Variants in ADAMTS20 observed in about 807,000 individuals in gnomAD.
The protein encoded by ADAMTS20 is A disintegrin and metalloproteinase with thrombospondin motifs 20.
ADAMTS20 carries 225 observed loss-of-function variants against 260.1 expected under a neutral mutation model. The ratio of observed to expected loss-of-function variants is 0.87; its 90% CI spans 0.78 to 0.97. ADAMTS20 has a LOEUF of 0.97. ADAMTS20 is among the 50% of genes least tolerant of loss of function. ADAMTS20 has a pLI of 0.00. For missense variants in ADAMTS20, 2,400 were observed against 2,337.7 expected (o/e 1.03, Z -0.55); for synonymous variants, 802 against 769.5 (o/e 1.04, Z -0.70).
At chr12:43,386,193 T>C (rs1432937011) in intron 29 of ADAMTS20, among the ~76,000 whole-genome samples, 1 of 152,220 alleles carries the variant, frequency 6.6e-6, no homozygotes, top group Non-Finnish European at 1.5e-5. Flanking sequence ...TGTCTTCTGC[T>C]AGCTTTTGTA....
At chr12:43,496,098 A>T (rs2137436387) in intron 4 of ADAMTS20, among the ~76,000 whole-genome samples, 1 of 152,290 alleles carries the variant, frequency 6.6e-6, no homozygotes, top group African/African-American at 2.4e-5. Flanking sequence ...TACCACCCCA[A>T]ATTAGATTGC....
intron 11 of ADAMTS20, among the ~76,000 whole-genome samples, chr12:43,461,968 G>C (rs568735846): frequency 6.6e-6 from 1 of 152,268 alleles, no homozygotes; most frequent in East Asian, 1.9e-4. Flanking sequence ...AAAACTTGAA[G>C]TTCCAAATAA....
chr12:43,503,038 C>T (rs1047114638), intron 3 of ADAMTS20, among the ~76,000 whole-genome samples: 10 of 152,056 alleles, frequency 6.6e-5, no homozygotes, highest in African/African-American at 2.4e-4. Context: ...AATAATTGAA[C>T]ATTAAAGATT....
At chr12:43,388,690 C>T (rs1027514200) in intron 29 of ADAMTS20, among the ~76,000 whole-genome samples, 2 of 152,196 alleles carry the variant, frequency 1.3e-5, no homozygotes, top group Admixed American at 6.5e-5. Flanking sequence ...GACACTGGGA[C>T]TCAGAGAGGT....
At chr12:43,376,766 T>C in intron 32 of ADAMTS20, 113 bp from the exon 33 acceptor site, 2 of 1,251,416 alleles carry the variant, frequency 1.6e-6, no homozygotes, top group Non-Finnish European at 2.2e-6. Context: ...GGGTCAGTAG[T>C]GGCTAGATAC....
At chr12:43,524,016 C>G (rs1292765700) in intron 3 of ADAMTS20, among the ~76,000 whole-genome samples, 1 of 151,610 alleles carries the variant, frequency 6.6e-6, no homozygotes, top group African/African-American at 2.4e-5. Flanking sequence ...AGCTGGTGCT[C>G]TTCTTCAAGC....
At chr12:43,484,398 A>T (rs1187848083) in intron 7 of ADAMTS20, among the ~76,000 whole-genome samples, 1 of 152,180 alleles carries the variant, frequency 6.6e-6, no homozygotes, top group African/African-American at 2.4e-5. Flanking sequence ...AGGAGATACA[A>T]TAGAGAGGTG....
At chr12:43,382,651 G>A (rs148991046) in intron 31 of ADAMTS20, among the ~76,000 whole-genome samples, 38 of 151,800 alleles carry the variant, frequency 2.5e-4, no homozygotes, top group Middle Eastern at 3.4e-3. Flanking sequence ...AGAAGAAGAT[G>A]TTAAAAAGAT....
chr12:43,389,274 C>T (rs1306025288), intron 29 of ADAMTS20, among the ~76,000 whole-genome samples: 1 of 152,136 alleles, frequency 6.6e-6, no homozygotes. Flanking sequence ...AGCTGTGAAC[C>T]TGTGAAATCA....
intron 4 of ADAMTS20, among the ~76,000 whole-genome samples, chr12:43,494,895 A>C (rs1266138629): frequency 6.6e-6 from 1 of 152,206 alleles, no homozygotes; most frequent in Non-Finnish European, 1.5e-5. Flanking sequence ...ACAAACCTCA[A>C]AGGTATTTAT....
chr12:43,430,208 AT>A (rs202030722), intron 23 of ADAMTS20, 143 bp downstream of exon 23: 2 of 960,788 alleles, frequency 2.1e-6, no homozygotes, highest in Non-Finnish European at 2.8e-6. Context: ...AACAAATTCT[AT>A]TTTTTTGCCT....
chr12:43,435,254 G>A (rs1292767962), intron 18 of ADAMTS20, among the ~76,000 whole-genome samples: 2 of 152,170 alleles, frequency 1.3e-5, no homozygotes, highest in East Asian at 3.8e-4. Context: ...TAATAGAGGA[G>A]TGTGGAGGAG....
chr12:43,385,957 A>G (rs547942268), intron 29 of ADAMTS20, among the ~76,000 whole-genome samples: 330 of 152,250 alleles, frequency 2.2e-3, no homozygotes, highest in Admixed American at 4.9e-3. Flanking sequence ...TGTTTATAGT[A>G]TTCTTTGATG....
intron 36 of ADAMTS20, among the ~76,000 whole-genome samples, chr12:43,373,049 G>A (rs1418502083): frequency 1.3e-5 from 2 of 152,222 alleles, no homozygotes; most frequent in Non-Finnish European, 2.9e-5. Context: ...ATCCGTGTAA[G>A]CTTAGTACTC....
intron 2 of ADAMTS20, among the ~76,000 whole-genome samples, 187 bp from the exon 3 acceptor site, chr12:43,532,382 A>C (rs954566334): frequency 6.6e-6 from 1 of 152,088 alleles, no homozygotes; most frequent in Non-Finnish European, 1.5e-5. Flanking sequence ...CCTATACATA[A>C]AGTCATGAAG....
chr12:43,525,648 T>A (rs1209006057), intron 3 of ADAMTS20, among the ~76,000 whole-genome samples: 1 of 152,144 alleles, frequency 6.6e-6, no homozygotes, highest in South Asian at 2.1e-4. Context: ...ACACAAGGAT[T>A]CATATAAACT....
chr12:43,509,160 T>C (rs1488585472), intron 3 of ADAMTS20, among the ~76,000 whole-genome samples: 1 of 152,180 alleles, frequency 6.6e-6, no homozygotes, highest in African/African-American at 2.4e-5. Flanking sequence ...CTATCATTGA[T>C]TGGCATTTGT....
At chr12:43,497,965 A>G (rs1030469516) in intron 4 of ADAMTS20, among the ~76,000 whole-genome samples, 2 of 152,124 alleles carry the variant, frequency 1.3e-5, no homozygotes, top group Non-Finnish European at 2.9e-5. Flanking sequence ...TATCAAAATA[A>G]ATATACTGAA....
intron 28 of ADAMTS20, among the ~76,000 whole-genome samples, chr12:43,417,266 G>T (rs912077198): frequency 4.6e-5 from 7 of 152,136 alleles, no homozygotes; most frequent in Admixed American, 2.6e-4. Context: ...TGTCTAATAG[G>T]ATCACTTTTC....
Sources: gnomAD v4.1 joint callset for allele counts (sites outside exome capture counted in the v4.1 genomes callset) on GRCh38, gnomAD v4.1.1 for gene constraint, MANE v1.5 for transcripts, NCBI Gene and HGNC (gene_info 2026-07-23, HGNC 2026-07-21) for gene names.